The following NT5DC3 variants were observed in gnomAD, a reference collection of about 807,000 sequenced individuals.
NT5DC3 encodes the protein 5'-nucleotidase domain containing 3, also known as 5'-nucleotidase domain-containing protein 3.
In NT5DC3, 42 loss-of-function variants were observed where a neutral mutation model predicts 67.8. The observed-to-expected ratio is 0.62, with a 90% CI of 0.48 to 0.80. The LOEUF (loss-of-function observed/expected upper bound fraction) is 0.80. Among genes scored for constraint, NT5DC3 ranks in the 30% least tolerant of loss-of-function variants. The pLI is 0.00. For missense variants in NT5DC3, 570 were observed against 696.4 expected (o/e 0.82, Z 2.04); for synonymous variants, 237 against 255.6 (o/e 0.93, Z 0.69).
the NT5DC3 span, among the ~76,000 whole-genome samples, chr12:103,747,732 C>T: frequency 6.6e-6 from 1 of 152,182 alleles, no homozygotes; most frequent in African/African-American, 2.4e-5. Flanking sequence ...CAATGGCTCA[C>T]ACCTGTAATT....
chr12:103,812,951 AG>A (rs1700486835), intron 2 of NT5DC3, among the ~76,000 whole-genome samples: 1 of 152,216 alleles, frequency 6.6e-6, no homozygotes, highest in African/African-American at 2.4e-5. Context: ...CCCATTTTAC[AG>A]GGGAGAAAAC....
chr12:103,814,354 T>TCCCGGGAGGGGTCTCAAAGGGTACGGG (rs1887158646), intron 2 of NT5DC3, among the ~76,000 whole-genome samples: 1 of 152,196 alleles, frequency 6.6e-6, no homozygotes, highest in Non-Finnish European at 1.5e-5. Flanking sequence ...GAGCTGTACT[T>TCCCGGGAGGGGTCTCAAAGGGTACGGG]CCCGGGAGGG....
At position 103,793,298 on chromosome 12, in the gene NT5DC3, A is replaced by G. The variant is rs150383207; in HGVS notation, c.918-33T>C. 112 of 1,564,816 alleles carry G rather than the reference A, an allele frequency of 7.2e-5. 2 individuals are homozygous for G. In the East Asian group the frequency reaches 2.5e-3, roughly 35 times the overall value. On this transcript the variant is annotated intron_variant, in intron 8 of 13. Coordinates refer to ENST00000392876, the MANE Select transcript of NT5DC3 (RefSeq NM_001031701.3). ...AACAAGTCAGCCAGGTTAGTCTAAC[A>G]TTAAAGAGATTAACTGTGTCTGTAA...
At chr12:103,809,942 C>G (rs35371470) in intron 2 of NT5DC3, among the ~76,000 whole-genome samples, 33,643 of 152,114 alleles carry the variant, frequency 0.22, 4,294 homozygotes, top group South Asian at 0.44. Context: ...TGGGCAAGGT[C>G]GTCTGTCCCT....
At chr12:103,794,183 T>C (rs530611232) in intron 6 of NT5DC3, among the ~76,000 whole-genome samples, 186 bp from the exon 7 acceptor site, 70 of 73,310 alleles carry the variant, frequency 9.5e-4, no homozygotes, top group African/African-American at 2.8e-3. Flanking sequence ...AGAGTCTTGT[T>C]ATATCACCCA....
chr12:103,798,897 T>C (rs146366077), intron 4 of NT5DC3, among the ~76,000 whole-genome samples: 1,687 of 152,358 alleles, frequency 0.011, 12 homozygotes, highest in Middle Eastern at 0.02. Flanking sequence ...TAATAATAGT[T>C]AATATTACAT....
chr12:103,750,640 A>G, the NT5DC3 span: 1 of 1,614,230 alleles, frequency 6.2e-7, no homozygotes, highest in East Asian at 2.2e-5. Context: ...TGTGAGCCGG[A>G]GCAGCTGCCC....
chr12:103,782,412 A>T (rs1274124023), intron 12 of NT5DC3, among the ~76,000 whole-genome samples: 1 of 152,188 alleles, frequency 6.6e-6, no homozygotes, highest in Non-Finnish European at 1.5e-5. Context: ...AAATTACATG[A>T]AAGTCAAATT....
intron 1 of NT5DC3, chr12:103,819,649 T>C (rs1887409903): frequency 6.6e-6 from 1 of 152,200 alleles, no homozygotes; most frequent in South Asian, 2.1e-4. Context: ...GCACTTCCAG[T>C]TTTCAGCAGC....
intron 4 of NT5DC3, among the ~76,000 whole-genome samples, chr12:103,799,446 T>C (rs1886465960): frequency 6.6e-6 from 1 of 152,208 alleles, no homozygotes; most frequent in Non-Finnish European, 1.5e-5. Context: ...GAGTTTCCCC[T>C]TTCACTTGGC....
At chr12:103,833,344 G>T (rs1373044627) in intron 1 of NT5DC3, among the ~76,000 whole-genome samples, 5 of 152,210 alleles carry the variant, frequency 3.3e-5, no homozygotes, top group Non-Finnish European at 7.3e-5. Flanking sequence ...AACAGTCTGA[G>T]AAATATTGGT....
intron 4 of NT5DC3, among the ~76,000 whole-genome samples, chr12:103,801,510 G>C (rs2139372655): frequency 6.6e-6 from 1 of 150,540 alleles, no homozygotes; most frequent in Admixed American, 6.7e-5. Context: ...AGCCTCCCGA[G>C]TAGCTGGGAC....
At chr12:103,758,244 C>T in the NT5DC3 span, 34 of 1,613,958 alleles carry the variant, frequency 2.1e-5, no homozygotes, top group East Asian at 4.5e-4. Flanking sequence ...TGTCCATCCG[C>T]GGCACCCTCT....
intron 1 of NT5DC3, among the ~76,000 whole-genome samples, chr12:103,840,406 A>G (rs1888347176): frequency 2.0e-5 from 3 of 147,202 alleles, no homozygotes; most frequent in African/African-American, 5.1e-5. Context: ...ATCTCATCTC[A>G]TCTCATCTCA....
intron 1 of NT5DC3, among the ~76,000 whole-genome samples, chr12:103,831,051 C>T (rs1227392714): frequency 6.6e-6 from 1 of 152,200 alleles, no homozygotes; most frequent in East Asian, 1.9e-4. Context: ...ATCACTATCA[C>T]TCAGTTTCTC....
rs916753200 is a variant in NT5DC3 at position 103,775,349 on chromosome 12, G to T, written c.*2480C>A. On this transcript the variant is annotated 3_prime_UTR_variant, in exon 14 of 14. Coordinates refer to ENST00000392876, the MANE Select transcript of NT5DC3 (RefSeq NM_001031701.3). ...CTTCAAAGCTTAGGTCACCTAACGT[G>T]AACACTCATGGAAACAGGTTTTAAA... 1 of 152,198 alleles carries T rather than the reference G, an allele frequency of 6.6e-6. No individual in the cohort carries two copies. Among genetic ancestry groups the T allele is most frequent in the Non-Finnish European group, 1.5e-5 (1 of 68,030 alleles). 9.4% of individuals were successfully genotyped at this position (152,198 alleles called of 1,614,324 possible).
rs752977542 is a variant in NT5DC3, at chr12:103,815,027, G to A, written c.303C>T (p.Phe101=). The part of the protein sequence containing the change: ...MSLSDIEIYG[F]DYDYTLVFYS... ...AAAACACCAAGGTGTAATCATAATC[G>A]AAGCCATAGATTTCAATGTCTGACA... The change falls in exon 2 of 14, where the codon TTC becomes TTT. Residue 101 remains phenylalanine (F), a synonymous_variant. Transcript: ENST00000392876. 1.5e-4 allele frequency: 245 copies of A among 1,613,206 alleles called. No individual in the cohort carries two copies. Among genetic ancestry groups the A allele is most frequent in the Non-Finnish European group, 2.0e-4 (230 of 1,179,470 alleles).
At chr12:103,764,549 C>T in the NT5DC3 span, among the ~76,000 whole-genome samples, 9 of 151,914 alleles carry the variant, frequency 5.9e-5, no homozygotes, top group Non-Finnish European at 8.8e-5. Flanking sequence ...TACCAGTTCT[C>T]GACTGAAAAA....
At chr12:103,780,224 C>T (rs1457191445) in intron 13 of NT5DC3, 76 bp downstream of exon 13, 1 of 1,252,358 alleles carries the variant, frequency 8.0e-7, no homozygotes, top group Non-Finnish European at 1.2e-6. Flanking sequence ...TCAGGCTGGC[C>T]CTGGGGAACA....
Sources: allele counts gnomAD v4.1 joint callset (sites outside exome capture counted in the v4.1 genomes callset), GRCh38; gene constraint gnomAD v4.1.1; transcripts MANE v1.5; gene names NCBI Gene and HGNC (gene_info 2026-07-23, HGNC 2026-07-21).